The following MOB3B variants were observed in gnomAD, a reference collection of about 807,000 sequenced individuals.
MOB3B encodes MOB kinase activator 3B.
In MOB3B, 7 loss-of-function variants were observed where a neutral mutation model predicts 18.7. The observed-to-expected ratio is 0.37, with a 90% CI of 0.21 to 0.70. MOB3B has a LOEUF of 0.70. Ranked by LOEUF, MOB3B falls within the 30% of genes least tolerant of loss-of-function variation. The pLI is 0.52. For missense variants in MOB3B, 253 were observed against 281.3 expected, an observed-to-expected ratio of 0.90 and a Z score of 0.72; for synonymous variants, 111 against 99.9, an observed-to-expected ratio of 1.11 and a Z score of -0.66.
At chr9:27,385,105 C>A (rs1398654015) in intron 2 of MOB3B, among the ~76,000 whole-genome samples, 1 of 152,114 alleles carries the variant, frequency 6.6e-6, no homozygotes, top group African/African-American at 2.4e-5. Context: ...GGGCAGGAAG[C>A]AGGAAGGCAA....
At chr9:27,408,035 C>T (rs1341025373) in intron 2 of MOB3B, among the ~76,000 whole-genome samples, 1 of 152,160 alleles carries the variant, frequency 6.6e-6, no homozygotes, top group Non-Finnish European at 1.5e-5. Context: ...GGCCACTGAG[C>T]CCGATGCTTG....
chr9:27,403,673 G>A (rs1418193486), intron 2 of MOB3B, among the ~76,000 whole-genome samples: 1 of 151,844 alleles, frequency 6.6e-6, no homozygotes. Context: ...AAGAGACAGG[G>A]TTTCACCATG....
At chr9:27,342,596 G>A (rs1052394784) in intron 3 of MOB3B, among the ~76,000 whole-genome samples, 6 of 152,164 alleles carry the variant, frequency 3.9e-5, no homozygotes, top group South Asian at 2.1e-4. Context: ...CCTGCAGAGT[G>A]CCTGGGATTG....
chr9:27,382,716 T>TAA (rs1231879224), intron 2 of MOB3B, among the ~76,000 whole-genome samples: 3 of 20,110 alleles, frequency 1.5e-4, no homozygotes, highest in African/African-American at 3.5e-4. Flanking sequence ...GAGGTGAAGG[T>TAA]GATATATATA....
chr9:27,347,713 G>C (rs933227182), intron 3 of MOB3B, among the ~76,000 whole-genome samples: 5 of 152,208 alleles, frequency 3.3e-5, no homozygotes, highest in Admixed American at 2.6e-4. Context: ...AAATGCCCTA[G>C]GCAGGTGTAC....
intron 1 of MOB3B, among the ~76,000 whole-genome samples, chr9:27,469,508 A>C (rs1819439090): frequency 6.6e-6 from 1 of 152,196 alleles, no homozygotes; most frequent in Non-Finnish European, 1.5e-5. Context: ...TTCCGTGTGC[A>C]TCTGCTAGGG....
chr9:27,476,896 T>C (rs1320049754), intron 1 of MOB3B, among the ~76,000 whole-genome samples: 1 of 152,168 alleles, frequency 6.6e-6, no homozygotes, highest in East Asian at 1.9e-4. Flanking sequence ...AGATGAAAAC[T>C]TACCTAAGAG....
chr9:27,371,387 A>G (rs1488051962), intron 2 of MOB3B, among the ~76,000 whole-genome samples: 1 of 152,204 alleles, frequency 6.6e-6, no homozygotes, highest in Non-Finnish European at 1.5e-5. Context: ...TCTGAGGGAA[A>G]GACGGTGAGT....
At chr9:27,525,431 G>T (rs2131511399) in intron 1 of MOB3B, among the ~76,000 whole-genome samples, 1 of 152,240 alleles carries the variant, frequency 6.6e-6, no homozygotes, top group Middle Eastern at 3.4e-3. Context: ...CAATACTCTT[G>T]CATTTTCCCC....
intron 2 of MOB3B, among the ~76,000 whole-genome samples, chr9:27,374,065 T>G (rs1051539255): frequency 5.3e-5 from 8 of 152,242 alleles, no homozygotes; most frequent in African/African-American, 2.4e-5. Flanking sequence ...TATACGTCAC[T>G]TCCGTTTTCT....
rs1587132924 is a variant in MOB3B at position 27,326,820 on chromosome 9, A to G, written c.*3767T>C. The stretch of plus-strand genomic sequence containing the variant: ...TTCCTAATCATCTCTCCCTTGCACC[A>G]TCACCATGAAATTTTAATACCACAT... On this transcript the variant is annotated 3_prime_UTR_variant, in exon 4 of 4. Transcript: ENST00000262244. 2.7e-5 allele frequency: 10 copies of G among 372,484 alleles called. No individual in the cohort carries two copies. The East Asian group carries it at 3.9e-4, about 14-fold the overall frequency. 23.1% of individuals were successfully genotyped at this position (372,484 alleles called of 1,614,324 possible). A position where few individuals can be genotyped will look rare whatever the true frequency, so the allele number is the denominator to read the frequency against.
intron 2 of MOB3B, among the ~76,000 whole-genome samples, chr9:27,388,548 T>G (rs1297737513): frequency 6.6e-6 from 1 of 152,156 alleles, no homozygotes; most frequent in African/African-American, 2.4e-5. Flanking sequence ...TTCTGAGATT[T>G]TGGTGCACCT....
At chr9:27,410,404 T>C (rs960655808) in intron 2 of MOB3B, among the ~76,000 whole-genome samples, 4 of 152,316 alleles carry the variant, frequency 2.6e-5, no homozygotes, top group South Asian at 2.1e-4. Flanking sequence ...ACTGACAAAT[T>C]TGAGTCACCC....
chr9:27,473,434 C>G (rs1819504118), intron 1 of MOB3B, among the ~76,000 whole-genome samples: 1 of 152,046 alleles, frequency 6.6e-6, no homozygotes, highest in South Asian at 2.1e-4. Context: ...GAGGCAGGAT[C>G]CTGGCCTTCA....
chr9:27,437,627 T>C (rs1280081909), intron 2 of MOB3B, among the ~76,000 whole-genome samples: 1 of 152,218 alleles, frequency 6.6e-6, no homozygotes, highest in African/African-American at 2.4e-5. Flanking sequence ...TGCTACAAAG[T>C]GTGCAACACT....
intron 1 of MOB3B, among the ~76,000 whole-genome samples, chr9:27,519,317 G>A (rs1024930330): frequency 3.3e-5 from 5 of 152,016 alleles, no homozygotes; most frequent in Admixed American, 6.6e-5. Context: ...CATTTATCCT[G>A]GACCTCATAT....
At chr9:27,371,252 C>T (rs755279406) in intron 2 of MOB3B, among the ~76,000 whole-genome samples, 8 of 152,076 alleles carry the variant, frequency 5.3e-5, no homozygotes, top group African/African-American at 9.7e-5. Flanking sequence ...TTGGGGGAAC[C>T]CAGAAAGAAC....
chr9:27,499,899 G>T (rs1179546192), intron 1 of MOB3B, among the ~76,000 whole-genome samples: 1 of 152,048 alleles, frequency 6.6e-6, no homozygotes, highest in Non-Finnish European at 1.5e-5. Context: ...TTTTGCCATT[G>T]TGTTATGTTG....
At position 27,409,955 on chromosome 9, in the gene MOB3B, G is replaced by T. The variant is rs183017382; in HGVS notation, c.418+45178C>A. ...TGGGGATGAAGAGTCATTATTTAAT[G>T]TATGCAGAGTTTCAGTTTGCAGTGA... On this transcript the variant is annotated intron_variant, in intron 2 of 3. Coordinates refer to ENST00000262244, the MANE Select transcript of MOB3B (RefSeq NM_024761.5). Among the ~76,000 whole-genome samples, 7 of 152,198 alleles carry T rather than the reference G, an allele frequency of 4.6e-5. No individual in the cohort carries two copies. The East Asian group carries it at 1.4e-3, about 29-fold the overall frequency.
Sources: gnomAD v4.1 joint callset for allele counts (sites outside exome capture counted in the v4.1 genomes callset) on GRCh38, gnomAD v4.1.1 for gene constraint, MANE v1.5 for transcripts, NCBI Gene and HGNC (gene_info 2026-07-23, HGNC 2026-07-21) for gene names.